The following PITPNC1 variants were observed in gnomAD, a reference collection of about 807,000 sequenced individuals.
PITPNC1 encodes phosphatidylinositol transfer protein cytoplasmic 1.
PITPNC1 carries 18 observed loss-of-function variants against 44.7 expected under a neutral mutation model. The ratio of observed to expected loss-of-function variants is 0.40; its 90% CI spans 0.28 to 0.60. The LOEUF is 0.60. Among genes scored for constraint, PITPNC1 ranks in the 20% least tolerant of loss-of-function variants. The probability of loss-of-function intolerance (pLI) is 0.39; values close to 1 mark genes in which losing one functional copy is unlikely to be tolerated. For synonymous variants in PITPNC1, 141 were observed against 149.6 expected (o/e 0.94, Z 0.42); for missense variants, 290 against 418.4 (o/e 0.69, Z 2.68).
rs192483101 is a variant in PITPNC1, at chr17:67,585,713, A to G, written c.366+7456A>G. Among the ~76,000 whole-genome samples, 4 of 152,278 alleles carry G rather than the reference A, an allele frequency of 2.6e-5. No homozygotes were observed. In the East Asian group the frequency reaches 7.7e-4, roughly 29 times the overall value. On this transcript the variant is annotated intron_variant, in intron 5 of 8. Transcript: ENST00000581322. ...CCAGCTACTCAGGAGGCTGAGATGG[A>G]AGGATCACTTGAACCCAGGAAGCAG... is the stretch of plus-strand genomic sequence containing the variant.
At chr17:67,502,888 G>T (rs1163360887) in intron 1 of PITPNC1, among the ~76,000 whole-genome samples, 1 of 151,986 alleles carries the variant, frequency 6.6e-6, no homozygotes. Flanking sequence ...CCGCCTCCTG[G>T]GTTCAAGCGA....
chr17:67,650,437 T>C (rs1248465529), intron 6 of PITPNC1, among the ~76,000 whole-genome samples: 1 of 139,100 alleles, frequency 7.2e-6, no homozygotes, highest in East Asian at 2.2e-4. Context: ...CTAGAAACCA[T>C]AGGCTTTTTT....
At chr17:67,518,609 A>G (rs1390474022) in intron 1 of PITPNC1, among the ~76,000 whole-genome samples, 1 of 152,194 alleles carries the variant, frequency 6.6e-6, no homozygotes, top group African/African-American at 2.4e-5. Flanking sequence ...ACATCCTGTA[A>G]TCATGTCACA....
rs370034600 is a variant in PITPNC1, at chr17:67,430,343, TAA to T, written c.48+52142_48+52143del. Among the ~76,000 whole-genome samples the T allele has an allele frequency of 1.4e-3, 215 of 151,614 alleles. 2 individuals are homozygous for T. The South Asian group carries it at 0.019, about 14-fold the overall frequency. ...CAACGTGGTGAATCCCTGTCTCTACTAAGACACAAAAAAATTAGTCTATAATC... is the reference window on the plus strand; with the variant it reads ...CAACGTGGTGAATCCCTGTCTCTACTGACACAAAAAAATTAGTCTATAATC... On this transcript the variant is annotated intron_variant, in intron 1 of 8. Transcript: ENST00000581322.
At chr17:67,538,254 T>C (rs990272537) in intron 2 of PITPNC1, among the ~76,000 whole-genome samples, 1 of 152,158 alleles carries the variant, frequency 6.6e-6, no homozygotes, top group African/African-American at 2.4e-5. Context: ...TTGAGATGAC[T>C]GGGCTTCTAA....
chr17:67,604,853 A>G (rs2041588821), intron 5 of PITPNC1, among the ~76,000 whole-genome samples: 1 of 151,858 alleles, frequency 6.6e-6, no homozygotes, highest in South Asian at 2.1e-4. Context: ...GCTGAGGCGG[A>G]CGGATCACCT....
chr17:67,399,485 T>C (rs2038275826), intron 1 of PITPNC1, among the ~76,000 whole-genome samples: 1 of 152,190 alleles, frequency 6.6e-6, no homozygotes, highest in South Asian at 2.1e-4. Context: ...TTGAGAGTTG[T>C]CTCCGCTGCT....
intron 1 of PITPNC1, among the ~76,000 whole-genome samples, chr17:67,520,701 A>G (rs2040314447): frequency 1.3e-5 from 2 of 152,132 alleles, no homozygotes; most frequent in Admixed American, 6.6e-5. Flanking sequence ...CCCACAGCCA[A>G]CGTATGAAGA....
At chr17:67,646,194 A>G (rs2042147589) in intron 6 of PITPNC1, among the ~76,000 whole-genome samples, 1 of 152,206 alleles carries the variant, frequency 6.6e-6, no homozygotes, top group South Asian at 2.1e-4. Flanking sequence ...ATCTTCTCCA[A>G]GCCCTTTCTT....
chr17:67,492,099 T>G (rs1163130435), intron 1 of PITPNC1, among the ~76,000 whole-genome samples: 1 of 151,966 alleles, frequency 6.6e-6, no homozygotes, highest in East Asian at 1.9e-4. Context: ...AAAAAAATCC[T>G]TATGGATATA....
intron 5 of PITPNC1, among the ~76,000 whole-genome samples, chr17:67,623,421 C>T (rs1395814510): frequency 1.3e-5 from 2 of 152,004 alleles, no homozygotes; most frequent in Non-Finnish European, 2.9e-5. Context: ...GCTGTGTTGC[C>T]CTGGCTGTAG....
chr17:67,615,006 A>T (rs1488939278), intron 5 of PITPNC1, among the ~76,000 whole-genome samples: 2 of 151,952 alleles, frequency 1.3e-5, no homozygotes, highest in African/African-American at 4.8e-5. Context: ...ACCTAATTCT[A>T]CCACAACCCT....
intron 5 of PITPNC1, among the ~76,000 whole-genome samples, chr17:67,593,662 G>A (rs2041422467): frequency 6.6e-6 from 1 of 152,144 alleles, no homozygotes; most frequent in Non-Finnish European, 1.5e-5. Context: ...ACCTTCTAAA[G>A]TGCTGAGATT....
At position 67,425,263 on chromosome 17, in the gene PITPNC1, AGAGG is replaced by A. The variant is rs1252526471; in HGVS notation, c.48+47065_48+47068del. Among the ~76,000 whole-genome samples the A allele has an allele frequency of 9.2e-5, 11 of 119,574 alleles. 1 individual carries two copies. Among genetic ancestry groups the A allele is most frequent in the African/African-American group, 1.8e-4 (6 of 33,330 alleles). The allele number at this position is 119,574 out of a possible 152,430, so 78.4% of individuals were successfully genotyped here. A position where few individuals can be genotyped will look rare whatever the true frequency, so the allele number is the denominator to read the frequency against. ...CACACACACACACACACACACACACAGAGGGAGAGAGAGAGAGAAATGACCTCTC... is the reference window on the plus strand; with the variant it reads ...CACACACACACACACACACACACACAGAGAGAGAGAGAGAAATGACCTCTC... On this transcript the variant is annotated intron_variant, in intron 1 of 8. Coordinates refer to ENST00000581322, the MANE Select transcript of PITPNC1 (RefSeq NM_012417.4).
intron 5 of PITPNC1, among the ~76,000 whole-genome samples, chr17:67,630,405 G>A (rs1199659439): frequency 6.6e-6 from 1 of 152,110 alleles, no homozygotes; most frequent in Non-Finnish European, 1.5e-5. Context: ...ATCACTTGAG[G>A]TCAGGAGTTC....
chr17:67,385,598 C>T lies in PITPNC1; in HGVS notation c.48+7396C>T, dbSNP rs570093290. 6.6e-4 allele frequency among the ~76,000 whole-genome samples: 100 copies of T among 152,224 alleles called. 1 individual carries two copies. Among genetic ancestry groups the T allele is most frequent in the Non-Finnish European group, 2.9e-4 (20 of 68,028 alleles). On this transcript the variant is annotated intron_variant, in intron 1 of 8. Transcript: ENST00000581322. Reference sequence around the variant, plus strand: ...CTGTCCGCTCTTTGGTCCGCACCACCTTTAAGAGCTGTAACACTCACCGTG... The same window carrying T: ...CTGTCCGCTCTTTGGTCCGCACCACTTTTAAGAGCTGTAACACTCACCGTG...
chr17:67,567,598 G>C lies in PITPNC1; in HGVS notation c.295-10588G>C, dbSNP rs140122160. Among the ~76,000 whole-genome samples the C allele has an allele frequency of 2.7e-3, 417 of 152,280 alleles. 2 individuals are homozygous for C. Among genetic ancestry groups the C allele is most frequent in the African/African-American group, 9.4e-3 (392 of 41,564 alleles). ...AAGGGTGCAGCCACTTTGGAATGGG[G>C]TAGCCGTCTGGAAGTTCCTCAGAAG... On this transcript the variant is annotated intron_variant, in intron 4 of 8. Coordinates refer to ENST00000581322, the MANE Select transcript of PITPNC1 (RefSeq NM_012417.4).
At chr17:67,551,900 C>G (rs2040768988) in intron 2 of PITPNC1, among the ~76,000 whole-genome samples, 1 of 152,184 alleles carries the variant, frequency 6.6e-6, no homozygotes, top group African/African-American at 2.4e-5. Flanking sequence ...TGGGCTTAAA[C>G]ATTCCGTGAT....
chr17:67,590,824 G>A (rs2041379695), intron 5 of PITPNC1, among the ~76,000 whole-genome samples: 1 of 151,900 alleles, frequency 6.6e-6, no homozygotes, highest in African/African-American at 2.4e-5. Flanking sequence ...GTGGTGGTGG[G>A]CACCTGTAAT....
Sources: allele counts gnomAD v4.1 joint callset (sites outside exome capture counted in the v4.1 genomes callset), GRCh38; gene constraint gnomAD v4.1.1; transcripts MANE v1.5; gene names NCBI Gene and HGNC (gene_info 2026-07-23, HGNC 2026-07-21).